SEMA3E: variants seen among roughly 807,000 people sequenced by gnomAD.
The protein encoded by SEMA3E is semaphorin-3E.
SEMA3E carries 49 observed loss-of-function variants against 93.6 expected under a neutral mutation model. The ratio of observed to expected loss-of-function variants is 0.52; its 90% CI spans 0.42 to 0.66. The LOEUF is 0.66. Among genes scored for constraint, SEMA3E ranks in the 30% least tolerant of loss-of-function variants. The pLI, the probability that SEMA3E is intolerant of heterozygous loss-of-function variation, is 0.00. For synonymous variants in SEMA3E, 363 were observed against 330.7 expected, an observed-to-expected ratio of 1.10 and a Z score of -1.06; for missense variants, 906 against 964.8, an observed-to-expected ratio of 0.94 and a Z score of 0.81.
In SEMA3E at chr7:83,406,367, A is replaced by G. The variant is rs550021462; in HGVS notation, c.814-308T>C. ...AGAATAGTGGAGAGATACAGTAATC[A>G]TGATTATTACTTTGTTCATAAATAA... On this transcript the variant is annotated intron_variant, in intron 7 of 16. Coordinates refer to ENST00000643230, the MANE Select transcript of SEMA3E (RefSeq NM_012431.3). Among the ~76,000 whole-genome samples, 13 of 152,148 alleles carry G rather than the reference A, an allele frequency of 8.5e-5. No individual in the cohort carries two copies. The South Asian group carries it at 2.5e-3, about 29-fold the overall frequency.
chr7:83,597,444 C>T lies in SEMA3E; in HGVS notation c.115+50984G>A, dbSNP rs534039709. Among the ~76,000 whole-genome samples the T allele has an allele frequency of 1.2e-4, 19 of 152,256 alleles. No homozygotes were observed. In the South Asian group the frequency reaches 3.5e-3, roughly 28 times the overall value. On this transcript the variant is annotated intron_variant, in intron 1 of 16. Coordinates refer to ENST00000643230, the MANE Select transcript of SEMA3E (RefSeq NM_012431.3). ...TGTATCTGTGGACTTTCTAGTAAGGCTTCAATCAAATCAATGCTCTGTATT... is the reference window on the plus strand; with the variant it reads ...TGTATCTGTGGACTTTCTAGTAAGGTTTCAATCAAATCAATGCTCTGTATT...
chr7:83,526,414 T>C (rs756053759), intron 1 of SEMA3E, among the ~76,000 whole-genome samples: 3 of 152,116 alleles, frequency 2.0e-5, no homozygotes, highest in African/African-American at 4.8e-5. Flanking sequence ...TTCAGGGATA[T>C]TGGAGAGGAA....
At chr7:83,578,170 T>A (rs1792448014) in intron 1 of SEMA3E, among the ~76,000 whole-genome samples, 1 of 152,064 alleles carries the variant, frequency 6.6e-6, no homozygotes, top group Non-Finnish European at 1.5e-5. Context: ...GATTAAATGA[T>A]AAAATAGTTT....
At chr7:83,448,925 G>T (rs1030203172) in intron 4 of SEMA3E, among the ~76,000 whole-genome samples, 1 of 151,980 alleles carries the variant, frequency 6.6e-6, no homozygotes, top group Non-Finnish European at 1.5e-5. Flanking sequence ...CTTATATCAA[G>T]AATTATGTTA....
chr7:83,485,755 G>A (rs1280323544), intron 2 of SEMA3E, among the ~76,000 whole-genome samples: 1 of 151,920 alleles, frequency 6.6e-6, no homozygotes, highest in East Asian at 1.9e-4. Flanking sequence ...GGGCAGCAGG[G>A]TGCATGTGGA....
chr7:83,614,099 C>G (rs557786403), intron 1 of SEMA3E, among the ~76,000 whole-genome samples: 41 of 152,016 alleles, frequency 2.7e-4, no homozygotes, highest in Non-Finnish European at 5.9e-4. Flanking sequence ...TCTGTTTGTC[C>G]CTGAAAGTCT....
intron 5 of SEMA3E, among the ~76,000 whole-genome samples, chr7:83,414,200 T>A (rs938450697): frequency 8.1e-5 from 10 of 123,088 alleles, no homozygotes; most frequent in Non-Finnish European, 1.5e-4. Context: ...TTGCTTATTA[T>A]GTTTGTAGAA....
intron 1 of SEMA3E, among the ~76,000 whole-genome samples, chr7:83,619,568 G>C (rs1442911568): frequency 2.0e-5 from 3 of 151,740 alleles, no homozygotes; most frequent in Non-Finnish European, 2.9e-5. Context: ...GAAAATGTTG[G>C]TGGTGTTCAC....
chr7:83,638,067 T>C (rs1793916831), intron 1 of SEMA3E, among the ~76,000 whole-genome samples: 2 of 152,206 alleles, frequency 1.3e-5, no homozygotes, highest in African/African-American at 4.8e-5. Context: ...CAAAGCTATA[T>C]CCATTGATTT....
At chr7:83,549,024 C>T (rs1230397219) in intron 1 of SEMA3E, among the ~76,000 whole-genome samples, 1 of 152,088 alleles carries the variant, frequency 6.6e-6, no homozygotes, top group African/African-American at 2.4e-5. Context: ...GCCTGGCTAC[C>T]ATCTGGGAAT....
chr7:83,545,708 G>A (rs760017107), intron 1 of SEMA3E, among the ~76,000 whole-genome samples: 1 of 150,164 alleles, frequency 6.7e-6, no homozygotes, highest in Non-Finnish European at 1.5e-5. Flanking sequence ...TTATATGTTA[G>A]CACCATTTTC....
At chr7:83,540,778 A>T (rs1584319034) in intron 1 of SEMA3E, among the ~76,000 whole-genome samples, 1 of 143,480 alleles carries the variant, frequency 7.0e-6, no homozygotes, top group South Asian at 2.4e-4. Context: ...TTTCCAGGTA[A>T]ATCTGAAACA....
At chr7:83,581,226 G>T (rs1249765572) in intron 1 of SEMA3E, among the ~76,000 whole-genome samples, 1 of 151,832 alleles carries the variant, frequency 6.6e-6, no homozygotes, top group African/African-American at 2.4e-5. Flanking sequence ...AACTCAACAC[G>T]TATTTACCAA....
chr7:83,471,157 T>A (rs1789885987), intron 2 of SEMA3E, among the ~76,000 whole-genome samples: 1 of 152,114 alleles, frequency 6.6e-6, no homozygotes, highest in Non-Finnish European at 1.5e-5. Flanking sequence ...GTATATGATC[T>A]GAGTATTAAC....
Position 83,524,749 on chromosome 7 carries a change from G to A in SEMA3E, c.116-34475C>T, listed in dbSNP as rs146590094. On this transcript the variant is annotated intron_variant, in intron 1 of 16. Transcript: ENST00000643230. ...TGCTTAGTTTTCTAAGTTTAAATTAGGAATTCAACCCGTAACTCTCTACTG... is the reference window on the plus strand; with the variant it reads ...TGCTTAGTTTTCTAAGTTTAAATTAAGAATTCAACCCGTAACTCTCTACTG... 4.3e-3 allele frequency among the ~76,000 whole-genome samples: 660 copies of A among 151,944 alleles called. 4 individuals are homozygous for A. Among genetic ancestry groups the A allele is most frequent in the African/African-American group, 0.015 (618 of 41,426 alleles).
In SEMA3E at chr7:83,466,516, A is replaced by G; in HGVS notation, c.422T>C (p.Val141Ala). ...LTCGTGAFDP[V>A]CAFIRVGYHL... Reference sequence around the variant, plus strand: ...ATATCCAACTCTGATGAAGGCACAAACTGGATCAAAAGCTCCAGTACCACA... The same window carrying G: ...ATATCCAACTCTGATGAAGGCACAAGCTGGATCAAAAGCTCCAGTACCACA... Residue 141 changes from valine (V) to alanine (A), a missense_variant, in exon 4 of 17, where the codon GTT becomes GCT. By Grantham distance (64) the Val-to-Ala change is moderately conservative. Transcript: ENST00000643230. 6.2e-7 allele frequency: 1 copy of G among 1,614,058 alleles called. No homozygotes were observed. Among genetic ancestry groups the G allele is most frequent in the Non-Finnish European group, 8.5e-7 (1 of 1,179,988 alleles).
chr7:83,461,159 G>A (rs1028696132), intron 4 of SEMA3E, among the ~76,000 whole-genome samples: 12 of 151,992 alleles, frequency 7.9e-5, no homozygotes, highest in African/African-American at 2.9e-4. Flanking sequence ...ACGGTCTGAG[G>A]TGCCTGATGT....
At chr7:83,604,241 C>T (rs919743551) in intron 1 of SEMA3E, among the ~76,000 whole-genome samples, 3 of 151,944 alleles carry the variant, frequency 2.0e-5, no homozygotes, top group African/African-American at 7.3e-5. Context: ...AAGTAAAACG[C>T]ATATACAGAG....
chr7:83,454,044 G>A (rs1789422576), intron 4 of SEMA3E, among the ~76,000 whole-genome samples: 1 of 151,400 alleles, frequency 6.6e-6, no homozygotes, highest in South Asian at 2.1e-4. Flanking sequence ...GGATCACGAG[G>A]TCAGGAGATG....
Sources: allele counts gnomAD v4.1 joint callset (sites outside exome capture counted in the v4.1 genomes callset), GRCh38; gene constraint gnomAD v4.1.1; transcripts MANE v1.5; gene names NCBI Gene and HGNC (gene_info 2026-07-23, HGNC 2026-07-21).